The following EPHB1 variants were observed in gnomAD, a reference collection of about 807,000 sequenced individuals.
EPHB1 encodes the protein ephrin type-B receptor 1.
EPHB1 carries 30 observed loss-of-function variants against 94.4 expected under a neutral mutation model. The observed-to-expected ratio is 0.32, with a 90% CI of 0.24 to 0.43. The LOEUF (loss-of-function observed/expected upper bound fraction) is 0.43, where lower values mean the gene tolerates loss of function less well. EPHB1 is among the 20% of genes least tolerant of loss of function. The probability of loss-of-function intolerance (pLI) is 1.00; values close to 1 mark genes in which losing one functional copy is unlikely to be tolerated. For synonymous variants in EPHB1, 522 were observed against 489.1 expected (o/e 1.07, Z -0.89); for missense variants, 1,055 against 1,308.3 (o/e 0.81, Z 2.99).
At chr3:135,099,012 C>CAA (rs34508563) in intron 3 of EPHB1, among the ~76,000 whole-genome samples, 11 of 64,478 alleles carry the variant, frequency 1.7e-4, no homozygotes, top group African/African-American at 3.9e-4. Flanking sequence ...GACCCTGCCT[C>CAA]AAAAAAAAAA....
chr3:134,992,111 A>C (rs1053219531), intron 3 of EPHB1, among the ~76,000 whole-genome samples: 1 of 152,034 alleles, frequency 6.6e-6, no homozygotes, highest in Non-Finnish European at 1.5e-5. Flanking sequence ...TTCCTTTTTT[A>C]GTTTTTTAAA....
At chr3:135,147,798 C>A (rs751228017) in intron 5 of EPHB1, among the ~76,000 whole-genome samples, 5 of 152,204 alleles carry the variant, frequency 3.3e-5, no homozygotes, top group Non-Finnish European at 7.3e-5. Context: ...AAGGCAGAGG[C>A]AGCTCAGCTG....
At position 135,195,590 on chromosome 3, in the gene EPHB1, T is replaced by C. The variant is rs566053154; in HGVS notation, c.2130+2767T>C. Among the ~76,000 whole-genome samples, 9 of 148,930 alleles carry C rather than the reference T, an allele frequency of 6.0e-5. No homozygotes were observed. The East Asian group carries it at 1.8e-3, about 29-fold the overall frequency. ...ATGAGTGAGAATATGCGGTGTTTGG[T>C]TTTTTGTTCTCCCGATAGTTTACTG... On this transcript the variant is annotated intron_variant, in intron 11 of 15. Transcript: ENST00000398015.
Position 135,089,159 on chromosome 3 carries a change from T to G in EPHB1, c.806-17289T>G, listed in dbSNP as rs74428212. On this transcript the variant is annotated intron_variant, in intron 3 of 15. Transcript: ENST00000398015. ...AAGTAGTTATACACAATAGTTTTTG[T>G]TTATTCTAGGTAAATTTACTTGGTA... 9.8e-3 allele frequency among the ~76,000 whole-genome samples: 1,497 copies of G among 152,332 alleles called. 20 individuals carry two copies. Among genetic ancestry groups the G allele is most frequent in the African/African-American group, 0.034 (1,429 of 41,568 alleles).
rs191287278 is a variant in EPHB1, at chr3:134,941,131, C to T, written c.124-10240C>T. ...TAGTCATTGGGCATTCTTAGAGGAG[C>T]GGGCCTGGTGTGGGGTGGGGGACAT... On this transcript the variant is annotated intron_variant, in intron 2 of 15. Coordinates refer to ENST00000398015, the MANE Select transcript of EPHB1 (RefSeq NM_004441.5). Among the ~76,000 whole-genome samples the T allele has an allele frequency of 5.4e-3, 818 of 152,294 alleles. 9 individuals carry two copies. Among genetic ancestry groups the T allele is most frequent in the African/African-American group, 0.019 (782 of 41,552 alleles).
intron 1 of EPHB1, among the ~76,000 whole-genome samples, chr3:134,911,388 G>T (rs1287588075): frequency 6.6e-6 from 1 of 151,682 alleles, no homozygotes; most frequent in East Asian, 1.9e-4. Context: ...GAGGGCCAAG[G>T]CTGGGCAGTT....
At chr3:135,068,189 G>A (rs150113055) in intron 3 of EPHB1, among the ~76,000 whole-genome samples, 1 of 152,198 alleles carries the variant, frequency 6.6e-6, no homozygotes, top group Non-Finnish European at 1.5e-5. Context: ...TGCTCTGTCT[G>A]TCCAAGACAG....
At chr3:134,990,575 T>TATCTGTCAGTATCTGCAGAG (rs1286226526) in intron 3 of EPHB1, among the ~76,000 whole-genome samples, 12 of 152,208 alleles carry the variant, frequency 7.9e-5, no homozygotes, top group Non-Finnish European at 1.3e-4. Flanking sequence ...TTACTAGTTT[T>TATCTGTCAGTATCTGCAGAG]ATCTGTCAGT....
intron 1 of EPHB1, among the ~76,000 whole-genome samples, chr3:134,882,757 CCTTCCTTCCTTTCTTTCTTTCTTT>C (rs2037765896): frequency 1.3e-4 from 2 of 15,268 alleles, no homozygotes; most frequent in African/African-American, 2.2e-4. Context: ...TTCCTTTCTT[CCTTCCTTCCTTTCTTTCTTTCTTT>C]CTTTCTTTCT....
intron 3 of EPHB1, among the ~76,000 whole-genome samples, chr3:135,004,631 C>T (rs1265505321): frequency 6.6e-6 from 1 of 151,736 alleles, no homozygotes; most frequent in Non-Finnish European, 1.5e-5. Context: ...CACATAGTCC[C>T]ATATTTCTTG....
chr3:135,071,845 A>G (rs1257521079), intron 3 of EPHB1, among the ~76,000 whole-genome samples: 1 of 151,986 alleles, frequency 6.6e-6, no homozygotes, highest in Non-Finnish European at 1.5e-5. Flanking sequence ...TTCCTTTTTC[A>G]CTTTGATTGC....
chr3:135,006,875 G>C (rs1052520385), intron 3 of EPHB1, among the ~76,000 whole-genome samples: 1 of 151,994 alleles, frequency 6.6e-6, no homozygotes, highest in African/African-American at 2.4e-5. Flanking sequence ...TGAAGTATGA[G>C]GGTTGACCAT....
At chr3:135,101,793 A>T (rs982701494) in intron 3 of EPHB1, among the ~76,000 whole-genome samples, 1 of 152,182 alleles carries the variant, frequency 6.6e-6, no homozygotes, top group Non-Finnish European at 1.5e-5. Flanking sequence ...CAGGAATACT[A>T]CTTCTTTTAT....
intron 12 of EPHB1, among the ~76,000 whole-genome samples, chr3:135,229,600 A>T (rs11715473): frequency 0.38 from 58,092 of 151,952 alleles, 11,901 homozygotes; most frequent in Middle Eastern, 0.5. Flanking sequence ...AGGAGAAAAA[A>T]TAATTGAAGG....
At chr3:135,121,811 T>A (rs563229913) in intron 4 of EPHB1, among the ~76,000 whole-genome samples, 4 of 152,202 alleles carry the variant, frequency 2.6e-5, no homozygotes, top group African/African-American at 9.6e-5. Context: ...AAGTCTTTTT[T>A]TTTTTTTAAT....
At chr3:135,195,452 T>C (rs1942573669) in intron 11 of EPHB1, among the ~76,000 whole-genome samples, 1 of 151,774 alleles carries the variant, frequency 6.6e-6, no homozygotes, top group South Asian at 2.1e-4. Flanking sequence ...TCATCTAGCA[T>C]TAGGTATATC....
chr3:135,095,882 G>A (rs184186144), intron 3 of EPHB1, among the ~76,000 whole-genome samples: 1 of 152,154 alleles, frequency 6.6e-6, no homozygotes, highest in African/African-American at 2.4e-5. Flanking sequence ...CCTTCACTTA[G>A]ATGTCGCTTT....
chr3:135,196,719 C>T (rs1321231731), intron 11 of EPHB1, among the ~76,000 whole-genome samples: 3 of 152,156 alleles, frequency 2.0e-5, no homozygotes, highest in African/African-American at 7.2e-5. Flanking sequence ...ACTGTTTCCT[C>T]CCCTCCAACT....
chr3:135,014,087 T>C (rs1328137483), intron 3 of EPHB1, among the ~76,000 whole-genome samples: 2 of 152,050 alleles, frequency 1.3e-5, no homozygotes, highest in Admixed American at 6.6e-5. Context: ...TGCCAGGAAA[T>C]CCAAAGGGCC....
Sources: allele counts gnomAD v4.1 joint callset (sites outside exome capture counted in the v4.1 genomes callset), GRCh38; gene constraint gnomAD v4.1.1; transcripts MANE v1.5; gene names NCBI Gene and HGNC (gene_info 2026-07-23, HGNC 2026-07-21).